CLYBL: variants seen among roughly 807,000 people sequenced by gnomAD.
The protein encoded by CLYBL is citramalyl-CoA lyase, also known as citramalyl-CoA lyase, mitochondrial.
Under a neutral mutation model 38.9 loss-of-function variants are expected in CLYBL, and 31 were observed. The observed-to-expected ratio is 0.80, with a 90% CI of 0.60 to 1.08. The LOEUF is 1.08. Ranked by LOEUF, CLYBL falls within the 50% of genes least tolerant of loss-of-function variation. The pLI is 0.00. For missense variants in CLYBL, 434 were observed against 411.6 expected (o/e 1.05, Z -0.47); for synonymous variants, 171 against 158.6 (o/e 1.08, Z -0.59).
At chr13:99,777,535 C>G (rs1158398332) in intron 2 of CLYBL, among the ~76,000 whole-genome samples, 1 of 151,246 alleles carries the variant, frequency 6.6e-6, no homozygotes, top group Non-Finnish European at 1.5e-5. Context: ...TCTTGTTGCC[C>G]AGGCTAGAGT....
intron 2 of CLYBL, among the ~76,000 whole-genome samples, chr13:99,848,616 C>T (rs1566352563): frequency 6.6e-6 from 1 of 152,242 alleles, no homozygotes; most frequent in Non-Finnish European, 1.5e-5. Context: ...TCCTCTGGAT[C>T]CTTCTGCCAC....
intron 7 of CLYBL, among the ~76,000 whole-genome samples, chr13:99,885,665 C>G (rs1487871247): frequency 6.6e-6 from 1 of 152,146 alleles, no homozygotes; most frequent in Non-Finnish European, 1.5e-5. Context: ...CTGAGGGTGC[C>G]TGGCACCCAA....
chr13:99,637,218 C>T (rs1247670889), intron 1 of CLYBL, among the ~76,000 whole-genome samples: 1 of 152,092 alleles, frequency 6.6e-6, no homozygotes, highest in Non-Finnish European at 1.5e-5. Context: ...ATAGAGGCTA[C>T]CCAGTTTGCC....
At chr13:99,754,713 T>A (rs920863246) in intron 1 of CLYBL, among the ~76,000 whole-genome samples, 26 of 150,730 alleles carry the variant, frequency 1.7e-4, no homozygotes, top group African/African-American at 6.1e-4. Flanking sequence ...GCCTCCCAAG[T>A]AGCTGGGACT....
At chr13:99,792,374 C>G (rs1040015031) in intron 2 of CLYBL, among the ~76,000 whole-genome samples, 2 of 152,116 alleles carry the variant, frequency 1.3e-5, no homozygotes, top group African/African-American at 4.8e-5. Flanking sequence ...GCTGGCCACC[C>G]TCAGTAGAGG....
chr13:99,761,735 GA>G (rs959318428), intron 1 of CLYBL, among the ~76,000 whole-genome samples: 1 of 152,152 alleles, frequency 6.6e-6, no homozygotes, highest in African/African-American at 2.4e-5. Flanking sequence ...TTTCTTTGAG[GA>G]ACCTCAATAC....
chr13:99,826,862 C>T (rs970900561), intron 2 of CLYBL, among the ~76,000 whole-genome samples: 4 of 152,188 alleles, frequency 2.6e-5, no homozygotes, highest in Admixed American at 6.5e-5. Context: ...CATACACCAC[C>T]GAGCTGGAGT....
At chr13:99,852,095 A>G (rs1470075544) in intron 2 of CLYBL, among the ~76,000 whole-genome samples, 1 of 152,220 alleles carries the variant, frequency 6.6e-6, no homozygotes, top group Non-Finnish European at 1.5e-5. Context: ...AAGACTACCT[A>G]TTGCATGGTT....
chr13:99,863,802 AG>A (rs2139220349), intron 4 of CLYBL, among the ~76,000 whole-genome samples: 1 of 152,264 alleles, frequency 6.6e-6, no homozygotes, highest in African/African-American at 2.4e-5. Context: ...CCCCTTTCAG[AG>A]TTCCTAGATT....
chr13:99,649,730 T>C (rs1023162161), intron 1 of CLYBL, among the ~76,000 whole-genome samples: 4 of 151,994 alleles, frequency 2.6e-5, no homozygotes, highest in Non-Finnish European at 5.9e-5. Flanking sequence ...CCACATGTAG[T>C]GGTGGGCACC....
chr13:99,862,894 T>C, intron 3 of CLYBL, 97 bp from the exon 4 acceptor site: 4 of 488,476 alleles, frequency 8.2e-6, no homozygotes. Flanking sequence ...TGGATATTAC[T>C]TCCTCAGGTC....
Position 99,676,486 on chromosome 13 carries a change from C to T in CLYBL, c.62+69729C>T, listed in dbSNP as rs547599723. On this transcript the variant is annotated intron_variant, in intron 1 of 8. Coordinates refer to ENST00000339105, the MANE Select transcript of CLYBL (RefSeq NM_206808.5). The stretch of plus-strand genomic sequence containing the variant: ...TGGCTAATTGTTTTTTTAGTAGAGA[C>T]AGGATTTCGCCATGTTGGCCAGGCT... Among the ~76,000 whole-genome samples the T allele has an allele frequency of 1.3e-4, 20 of 151,800 alleles. No individual in the cohort carries two copies. In the South Asian group the frequency reaches 3.7e-3, roughly 28 times the overall value.
Position 99,869,144 on chromosome 13 carries a change from A to G in CLYBL, c.803-1794A>G, listed in dbSNP as rs1364217287. On this transcript the variant is annotated intron_variant, in intron 6 of 8. Transcript: ENST00000339105. The surrounding 1 kb of genome is among the most constrained non-coding windows in gnomAD (Gnocchi z 4.3). ...GAGAACTTCACATATGAACGTTCAC[A>G]CATTTCTAAAACCTAACATGTATCT... 6.6e-6 allele frequency among the ~76,000 whole-genome samples: 1 copy of G among 152,210 alleles called. No individual in the cohort carries two copies. The highest frequency in any genetic ancestry group is 1.5e-5 in the Non-Finnish European group (1 of 68,030).
chr13:99,907,501 G>A (rs1407123085), intron 9 of CLYBL, among the ~76,000 whole-genome samples: 1 of 151,388 alleles, frequency 6.6e-6, no homozygotes. Flanking sequence ...TAAGACTACT[G>A]GTGATTTTTA....
chr13:99,720,065 C>G (rs1473612452), intron 1 of CLYBL, among the ~76,000 whole-genome samples: 1 of 151,270 alleles, frequency 6.6e-6, no homozygotes, highest in East Asian at 1.9e-4. Flanking sequence ...TTCCCCTTTT[C>G]CTGCTTTTCA....
intron 1 of CLYBL, among the ~76,000 whole-genome samples, chr13:99,631,787 C>T (rs930192273): frequency 1.8e-4 from 28 of 152,044 alleles, no homozygotes; most frequent in African/African-American, 5.1e-4. Flanking sequence ...TTAGTAGAGA[C>T]GGGGTTTCAC....
In CLYBL at chr13:99,802,711, T is replaced by C. The variant is rs145587069; in HGVS notation, c.249+29701T>C. 8.5e-3 allele frequency among the ~76,000 whole-genome samples: 1,290 copies of C among 152,256 alleles called. 6 individuals carry two copies. Among genetic ancestry groups the C allele is most frequent in the East Asian group, 0.041 (210 of 5,180 alleles). On this transcript the variant is annotated intron_variant, in intron 2 of 8. Transcript: ENST00000339105. ...AGATGGGAGTGTGAGAGATAGACAG[T>C]GTATTCTGCACTCCAAGCTGCTTGT...
At chr13:99,834,335 G>A (rs1221854778) in intron 2 of CLYBL, among the ~76,000 whole-genome samples, 1 of 152,148 alleles carries the variant, frequency 6.6e-6, no homozygotes, top group African/African-American at 2.4e-5. Flanking sequence ...CAGCCTGGGA[G>A]GGCATACGAG....
chr13:99,630,293 TA>T lies in CLYBL; in HGVS notation c.62+23544del, dbSNP rs534331042. 2.8e-3 allele frequency among the ~76,000 whole-genome samples: 426 copies of T among 152,204 alleles called. 2 individuals carry two copies. Among genetic ancestry groups the T allele is most frequent in the African/African-American group, 9.6e-3 (398 of 41,546 alleles). On this transcript the variant is annotated intron_variant, in intron 1 of 8. Coordinates refer to ENST00000339105, the MANE Select transcript of CLYBL (RefSeq NM_206808.5). Reference sequence around the variant, plus strand: ...ATGCCTCTTTCAAATCCATTCCTTTTAAAAAAAATCCTCTTTTCTGTTTATT... The same window carrying T: ...ATGCCTCTTTCAAATCCATTCCTTTTAAAAAAATCCTCTTTTCTGTTTATT...
Sources: allele counts gnomAD v4.1 joint callset (sites outside exome capture counted in the v4.1 genomes callset), GRCh38; gene constraint gnomAD v4.1.1; non-coding constraint Gnocchi (gnomAD v3.1); transcripts MANE v1.5; gene names NCBI Gene and HGNC (gene_info 2026-07-23, HGNC 2026-07-21).